RGPD8: variants seen among roughly 807,000 people sequenced by gnomAD.
RGPD8 encodes the protein RANBP2-like and GRIP domain-containing protein 8.
In RGPD8, 15 loss-of-function variants were observed where a neutral mutation model predicts 89.1. The observed-to-expected ratio is 0.17, with a 90% CI of 0.11 to 0.26. RGPD8 has a LOEUF of 0.26. Ranked by LOEUF, RGPD8 falls within the 10% of genes least tolerant of loss-of-function variation. The pLI is 1.00. For synonymous variants in RGPD8, 62 were observed against 420.9 expected (o/e 0.15, Z 10.44); for missense variants, 178 against 1,179.6 (o/e 0.15, Z 12.44).
chr2:112,390,474 G>GTAT (rs1558979270), intron 19 of RGPD8, among the ~76,000 whole-genome samples: 1 of 138,218 alleles, frequency 7.2e-6, no homozygotes, highest in Non-Finnish European at 1.6e-5. Context: ...ATGAATTAAG[G>GTAT]TATTATTATT....
rs774453430 is a variant in RGPD8, at chr2:112,390,021, G to C, written c.2924C>G (p.Ala975Gly). 45 of 1,576,830 alleles carry C rather than the reference G, an allele frequency of 2.9e-5. 3 individuals carry two copies. Among genetic ancestry groups the C allele is most frequent in the Non-Finnish European group, 3.9e-5 (45 of 1,158,504 alleles). The change falls in exon 20 of 23, where the codon GCA becomes GGA. Residue 975 changes from alanine (A) to glycine (G), a missense_variant. Ala to Gly is a moderately conservative substitution (Grantham distance 60, BLOSUM62 0). Transcript: ENST00000302558. ...TSSTFTFADV[A>G]KSTSGEGFQF... ...AAATCCTTCTCCTGAAGTTGATTTT[G>C]CAACATCTGCAAATGTAAAAGTGCT...
At chr2:112,390,710 A>C (rs1302928845) in intron 19 of RGPD8, among the ~76,000 whole-genome samples, 3 of 138,076 alleles carry the variant, frequency 2.2e-5, no homozygotes, top group African/African-American at 7.9e-5. Context: ...AGGGCATTAC[A>C]GTTCTATTTC....
At chr2:112,433,339 C>G (rs1195922478) in intron 1 of RGPD8, 43 bp downstream of exon 1, 2 of 1,361,790 alleles carry the variant, frequency 1.5e-6, no homozygotes, top group Non-Finnish European at 2.0e-6. Context: ...GCCGCCGCCG[C>G]CCGGCCGGGT....
rs1038077808 is a variant in RGPD8 at position 112,433,633 on chromosome 2, C to T, written c.-180G>A. Reference sequence around the variant, plus strand: ...CCACTGTGACGAACCTGCGTTCTGCCTCAGCACTGTGTATCCTCGGGGACG... The same window carrying T: ...CCACTGTGACGAACCTGCGTTCTGCTTCAGCACTGTGTATCCTCGGGGACG... On this transcript the variant is annotated 5_prime_UTR_variant, in exon 1 of 23. Coordinates refer to ENST00000302558, the MANE Select transcript of RGPD8 (RefSeq NM_001164463.1). The T allele has an allele frequency of 8.1e-4, 608 of 748,146 alleles. No individual in the cohort carries two copies. The highest frequency in any genetic ancestry group is 1.2e-3 in the Non-Finnish European group (546 of 473,150). The allele number at this position is 748,146 out of a possible 1,614,324, so 46.3% of individuals were successfully genotyped here. A position where few individuals can be genotyped will look rare whatever the true frequency, so the allele number is the denominator to read the frequency against.
At position 112,387,368 on chromosome 2, in the gene RGPD8, T is replaced by G. The variant is rs1389016261; in HGVS notation, c.4921+656A>C. On this transcript the variant is annotated intron_variant, in intron 20 of 22. Transcript: ENST00000302558. ...TTTTTTTTTGTTTTTTGTTTTTTGT[T>G]TTTTTTGGAGACAAAGTCTCACTCA... Among the ~76,000 whole-genome samples, 27 of 136,262 alleles carry G rather than the reference T, an allele frequency of 2.0e-4. 2 individuals carry two copies. Among genetic ancestry groups the G allele is most frequent in the South Asian group, 5.0e-4 (2 of 4,002 alleles). The allele number at this position is 136,262 out of a possible 152,430, so 89.4% of individuals were successfully genotyped here.
chr2:112,413,649 C>CA (rs1405437392), intron 6 of RGPD8, among the ~76,000 whole-genome samples: 1 of 137,358 alleles, frequency 7.3e-6, no homozygotes, highest in Non-Finnish European at 1.6e-5. Context: ...TTTACAATAC[C>CA]AAAAAAAATT....
chr2:112,413,734 A>C (rs1377350248), intron 6 of RGPD8, among the ~76,000 whole-genome samples: 1 of 115,504 alleles, frequency 8.7e-6, no homozygotes, highest in African/African-American at 3.8e-5. Context: ...ACAGAATCTC[A>C]CTCTGTCACA....
chr2:112,419,457 GAGAAAAAGCCTTCTCA>G (rs1679489322), intron 4 of RGPD8, among the ~76,000 whole-genome samples: 1 of 120,810 alleles, frequency 8.3e-6, no homozygotes, highest in Non-Finnish European at 1.7e-5. Context: ...TCATACTTGA[GAGAAAAAGCCTTCTCA>G]ACAGTAATAC....
intron 21 of RGPD8, among the ~76,000 whole-genome samples, chr2:112,380,614 C>T (rs1213853331): frequency 7.1e-6 from 1 of 141,748 alleles, no homozygotes; most frequent in Non-Finnish European, 1.5e-5. Context: ...GATCGTGCCA[C>T]TGCACTCCAG....
At chr2:112,379,371 C>A (rs1231174263) in intron 21 of RGPD8, among the ~76,000 whole-genome samples, 2 of 150,970 alleles carry the variant, frequency 1.3e-5, no homozygotes, top group African/African-American at 4.9e-5. Flanking sequence ...CTGAGGCAGG[C>A]AGATCACGAG....
At chr2:112,384,774 TG>T (rs1678400105) in intron 20 of RGPD8, 1 of 133,244 alleles carries the variant, frequency 7.5e-6, no homozygotes, top group Non-Finnish European at 1.6e-5. Context: ...AACAGCATAC[TG>T]ATAAAAAACA....
chr2:112,415,818 G>A (rs1421307045), intron 6 of RGPD8, among the ~76,000 whole-genome samples: 3 of 147,456 alleles, frequency 2.0e-5, no homozygotes, highest in African/African-American at 7.6e-5. Flanking sequence ...AGGAGGCAGA[G>A]GTTGCAGTGA....
At chr2:112,409,768 T>C (rs1679093542) in intron 7 of RGPD8, among the ~76,000 whole-genome samples, 1 of 144,208 alleles carries the variant, frequency 6.9e-6, no homozygotes, top group African/African-American at 2.8e-5. Context: ...ATCATGCCAC[T>C]GCACTCCAGC....
At chr2:112,411,291 G>A (rs1386305528) in intron 7 of RGPD8, among the ~76,000 whole-genome samples, 2 of 146,858 alleles carry the variant, frequency 1.4e-5, no homozygotes, top group African/African-American at 5.1e-5. Context: ...AAAAAGGCCA[G>A]GCATGGTGGC....
At chr2:112,430,454 G>A (rs1303956844) in intron 1 of RGPD8, among the ~76,000 whole-genome samples, 1 of 151,710 alleles carries the variant, frequency 6.6e-6, no homozygotes, top group African/African-American at 2.4e-5. Context: ...ATTTGGGGGG[G>A]AAAAAAAGAC....
intron 1 of RGPD8, among the ~76,000 whole-genome samples, chr2:112,426,691 C>T (rs1679781878): frequency 6.6e-6 from 1 of 151,558 alleles, no homozygotes; most frequent in Admixed American, 6.6e-5. Context: ...CAATGCCAGG[C>T]TAACACCTGC....
At chr2:112,420,194 A>G (rs1679526372) in intron 4 of RGPD8, among the ~76,000 whole-genome samples, 1 of 109,468 alleles carries the variant, frequency 9.1e-6, no homozygotes, top group Non-Finnish European at 1.9e-5. Context: ...AAAAAAAAAA[A>G]AAAGTGAATG....
intron 22 of RGPD8, 147 bp from the exon 23 acceptor site, chr2:112,370,359 G>GGGGGGGTC (rs1249646916): frequency 9.9e-6 from 1 of 100,748 alleles, no homozygotes; most frequent in African/African-American, 7.1e-5. Flanking sequence ...GGGGGGGGGG[G>GGGGGGGTC]TTCTTTTTTT....
In RGPD8 at chr2:112,431,630, G is replaced by A. The variant is rs112103125; in HGVS notation, c.72+1752C>T. ...GCTACTATTATAATCATGGTCATCC[G>A]TGAGTTTCTGGTTTTTTTTTTTTTT... On this transcript the variant is annotated intron_variant, in intron 1 of 22. Transcript: ENST00000302558. Among the ~76,000 whole-genome samples the A allele has an allele frequency of 2.5e-3, 381 of 150,872 alleles. 1 individual carries two copies. The highest frequency in any genetic ancestry group is 8.5e-3 in the African/African-American group (348 of 41,126).
Sources: allele counts gnomAD v4.1 joint callset (sites outside exome capture counted in the v4.1 genomes callset), GRCh38; gene constraint gnomAD v4.1.1; transcripts MANE v1.5; gene names NCBI Gene and HGNC (gene_info 2026-07-23, HGNC 2026-07-21).